Variants in VKORC1L1 observed in about 807,000 individuals in gnomAD.
VKORC1L1 encodes the protein vitamin K epoxide reductase complex subunit 1L1.
VKORC1L1 carries 2 observed loss-of-function variants against 18.9 expected under a neutral mutation model. That is an observed-to-expected ratio of 0.11 (90% confidence interval 0.04 to 0.33). The LOEUF is 0.33. Among genes scored for constraint, VKORC1L1 ranks in the 10% least tolerant of loss-of-function variants. VKORC1L1 has a pLI of 1.00. For missense variants in VKORC1L1, 123 were observed against 224.1 expected, an observed-to-expected ratio of 0.55 and a Z score of 2.88; for synonymous variants, 96 against 100.0, an observed-to-expected ratio of 0.96 and a Z score of 0.24.
At chr7:65,952,995 C>G (rs986065777) in intron 2 of VKORC1L1, among the ~76,000 whole-genome samples, 2 of 151,818 alleles carry the variant, frequency 1.3e-5, no homozygotes, top group African/African-American at 4.8e-5. Flanking sequence ...GGGGCTTTCA[C>G]CATGTTGGCC....
At chr7:65,911,371 A>G (rs1353243526) in intron 1 of VKORC1L1, among the ~76,000 whole-genome samples, 1 of 152,228 alleles carries the variant, frequency 6.6e-6, no homozygotes, top group Non-Finnish European at 1.5e-5. Context: ...GCATTTTCTC[A>G]GATTTTTGTA....
intron 1 of VKORC1L1, among the ~76,000 whole-genome samples, chr7:65,930,347 G>C (rs1407122940): frequency 6.6e-6 from 1 of 152,222 alleles, no homozygotes; most frequent in Non-Finnish European, 1.5e-5. Flanking sequence ...CTTCAGGTGT[G>C]CCCTGACTGG....
At chr7:65,937,750 A>T (rs1789967092) in intron 1 of VKORC1L1, among the ~76,000 whole-genome samples, 1 of 152,196 alleles carries the variant, frequency 6.6e-6, no homozygotes, top group Admixed American at 6.5e-5. Flanking sequence ...CTTACAAATG[A>T]ATAGACGGTT....
At chr7:65,938,513 C>G (rs535993626) in intron 1 of VKORC1L1, among the ~76,000 whole-genome samples, 31 of 152,328 alleles carry the variant, frequency 2.0e-4, no homozygotes, top group African/African-American at 7.5e-4. Context: ...CAGTGAATGA[C>G]TCAACTCCCA....
chr7:65,895,518 C>CAA (rs1789194349), intron 1 of VKORC1L1, among the ~76,000 whole-genome samples: 1 of 100,850 alleles, frequency 9.9e-6, no homozygotes, highest in East Asian at 3.1e-4. Flanking sequence ...TATATATATA[C>CAA]ACACACACAC....
intron 1 of VKORC1L1, among the ~76,000 whole-genome samples, chr7:65,944,944 C>CTTTTT (rs1562656086): frequency 1.3e-5 from 2 of 150,280 alleles, no homozygotes; most frequent in African/African-American, 4.9e-5. Context: ...AACATTCTGG[C>CTTTTT]TTACCATATT....
intron 1 of VKORC1L1, among the ~76,000 whole-genome samples, chr7:65,901,140 A>G (rs1462104694): frequency 6.6e-6 from 1 of 152,216 alleles, no homozygotes; most frequent in African/African-American, 2.4e-5. Flanking sequence ...CCAAGAAAAA[A>G]AGGAGGAAAA....
intron 1 of VKORC1L1, among the ~76,000 whole-genome samples, chr7:65,918,196 A>G (rs1002056334): frequency 6.6e-6 from 1 of 152,240 alleles, no homozygotes; most frequent in East Asian, 1.9e-4. Flanking sequence ...CTAGAAGATC[A>G]TATAAATGGA....
rs1788771016 is a variant in VKORC1L1 at position 65,873,642 on chromosome 7, G to C, written c.194+77G>C. ...AGTCTCGGGGTGGGGAGCGCGCGGCGGGAGCTCAGGCCTGGGGGCGGCGGG... is the reference window on the plus strand; with the variant it reads ...AGTCTCGGGGTGGGGAGCGCGCGGCCGGAGCTCAGGCCTGGGGGCGGCGGG... On this transcript the variant is annotated intron_variant, in intron 1 of 2. Transcript: ENST00000360768. The C allele has an allele frequency of 4.4e-6, 6 of 1,361,182 alleles. No homozygotes were observed. In the South Asian group the frequency reaches 9.1e-5, roughly 21 times the overall value. The allele number at this position is 1,361,182 out of a possible 1,614,324, so 84.3% of individuals were successfully genotyped here. A position where few individuals can be genotyped will look rare whatever the true frequency, so the allele number is the denominator to read the frequency against.
intron 1 of VKORC1L1, among the ~76,000 whole-genome samples, chr7:65,944,886 T>C (rs1790092048): frequency 6.9e-6 from 1 of 145,894 alleles, no homozygotes; most frequent in South Asian, 2.2e-4. Flanking sequence ...CACTGCACTC[T>C]AACATTATTG....
rs1356406865 is a variant in VKORC1L1 at position 65,873,756 on chromosome 7, C to T, written c.194+191C>T. ...CTCCTGCCCGGGGGGCGGCCTGAGC[C>T]CAGGCCGCGGGGCGGAGGTGGCGGG... On this transcript the variant is annotated intron_variant, in intron 1 of 2. Transcript: ENST00000360768. Among the ~76,000 whole-genome samples, 3 of 150,880 alleles carry T rather than the reference C, an allele frequency of 2.0e-5. No homozygotes were observed. In the East Asian group the frequency reaches 5.9e-4, roughly 30 times the overall value.
chr7:65,944,335 C>T lies in VKORC1L1; in HGVS notation c.195-4336C>T, dbSNP rs536848890. Among the ~76,000 whole-genome samples, 13 of 152,268 alleles carry T rather than the reference C, an allele frequency of 8.5e-5. No homozygotes were observed. The South Asian group carries it at 2.7e-3, about 32-fold the overall frequency. On this transcript the variant is annotated intron_variant, in intron 1 of 2. Coordinates refer to ENST00000360768, the MANE Select transcript of VKORC1L1 (RefSeq NM_173517.6). ...AGTGAGCCGAGATAGCACCACTACA[C>T]TCTGGCCTGGGTGACAGAATGAGAC...
chr7:65,893,404 G>A (rs1789140392), intron 1 of VKORC1L1, among the ~76,000 whole-genome samples: 2 of 152,058 alleles, frequency 1.3e-5, no homozygotes, highest in Non-Finnish European at 2.9e-5. Context: ...AGCTGGATGT[G>A]ATAGCACATG....
chr7:65,927,724 A>G (rs1215552103), intron 1 of VKORC1L1, among the ~76,000 whole-genome samples: 1 of 152,204 alleles, frequency 6.6e-6, no homozygotes, highest in Non-Finnish European at 1.5e-5. Flanking sequence ...TATGTTCTTT[A>G]GGATCTTTCT....
At chr7:65,883,103 T>C (rs1376755095) in intron 1 of VKORC1L1, among the ~76,000 whole-genome samples, 1 of 151,938 alleles carries the variant, frequency 6.6e-6, no homozygotes, top group East Asian at 1.9e-4. Flanking sequence ...AGAAGAATTT[T>C]ATTGTTCTCA....
chr7:65,893,264 C>G (rs903452346), intron 1 of VKORC1L1, among the ~76,000 whole-genome samples: 12 of 152,022 alleles, frequency 7.9e-5, no homozygotes, highest in African/African-American at 2.4e-4. Context: ...CTGTTTGGAC[C>G]TGGTGTGGTG....
At chr7:65,880,598 A>G (rs144623263) in intron 1 of VKORC1L1, among the ~76,000 whole-genome samples, 34 of 152,288 alleles carry the variant, frequency 2.2e-4, no homozygotes, top group African/African-American at 7.7e-4. Flanking sequence ...CCTGCTGCAT[A>G]TAAAGACAGG....
intron 1 of VKORC1L1, among the ~76,000 whole-genome samples, chr7:65,933,259 A>C (rs1177323422): frequency 6.6e-6 from 1 of 151,822 alleles, no homozygotes; most frequent in Admixed American, 6.6e-5. Context: ...TTGTGGATTT[A>C]TTCTTTCTTT....
chr7:65,947,514 G>C lies in VKORC1L1; in HGVS notation c.195-1157G>C, dbSNP rs200200294. ...TATTCAAAATGAATGTTTGATATTT[G>C]TATCAAGTTTTATCAAATAAGTTAA... On this transcript the variant is annotated intron_variant, in intron 1 of 2. Coordinates refer to ENST00000360768, the MANE Select transcript of VKORC1L1 (RefSeq NM_173517.6). Among the ~76,000 whole-genome samples, 10 of 147,222 alleles carry C rather than the reference G, an allele frequency of 6.8e-5. No individual in the cohort carries two copies. In the East Asian group the frequency reaches 2.0e-3, roughly 29 times the overall value.
Sources: allele counts gnomAD v4.1 joint callset (sites outside exome capture counted in the v4.1 genomes callset), GRCh38; gene constraint gnomAD v4.1.1; transcripts MANE v1.5; gene names NCBI Gene and HGNC (gene_info 2026-07-23, HGNC 2026-07-21).